TOP3B: variants seen among roughly 807,000 people sequenced by gnomAD.
TOP3B encodes DNA topoisomerase III beta.
In TOP3B, 45 loss-of-function variants were observed where a neutral mutation model predicts 93.9. The observed-to-expected ratio is 0.48, with a 90% CI of 0.38 to 0.61. The LOEUF (loss-of-function observed/expected upper bound fraction) is 0.61, where lower values mean the gene tolerates loss of function less well. TOP3B is among the 20% of genes least tolerant of loss of function. The pLI is 0.00. For missense variants in TOP3B, 750 were observed against 1,156.1 expected (o/e 0.65, Z 5.09); for synonymous variants, 357 against 472.6 (o/e 0.76, Z 3.17).
intron 6 of TOP3B, 36 bp from the exon 7 acceptor site, chr22:21,968,811 C>T: frequency 1.2e-6 from 2 of 1,611,366 alleles, no homozygotes; most frequent in Non-Finnish European, 8.5e-7. Flanking sequence ...GTCACTGATT[C>T]ACTCAAGACA....
At chr22:21,961,919 T>G in intron 13 of TOP3B, 1 of 257,120 alleles carries the variant, frequency 3.9e-6, no homozygotes, top group Non-Finnish European at 7.4e-6. Context: ...TGACTACACT[T>G]TTGCTTTGAT....
rs1288736609 is a variant in TOP3B at position 21,975,818 on chromosome 22, GA to G, written c.-98-12del. 1 of 1,369,578 alleles carries G rather than the reference GA, an allele frequency of 7.3e-7. No individual in the cohort carries two copies. Among genetic ancestry groups the G allele is most frequent in the Non-Finnish European group, 9.5e-7 (1 of 1,050,684 alleles). The allele number at this position is 1,369,578 out of a possible 1,614,324, so 84.8% of individuals were successfully genotyped here. A position where few individuals can be genotyped will look rare whatever the true frequency, so the allele number is the denominator to read the frequency against. ...TACCAATGCTGACTCCTAAAGAGAAGAAAAGACACTCAGGATAGCAATGCTG... is the reference window on the plus strand; with the variant it reads ...TACCAATGCTGACTCCTAAAGAGAAGAAAGACACTCAGGATAGCAATGCTG... On this transcript the variant is annotated splice_polypyrimidine_tract_variant and intron_variant, in intron 1 of 17. Coordinates refer to ENST00000357179, the MANE Select transcript of TOP3B (RefSeq NM_001282112.2).
At chr22:21,959,381 C>A in intron 15 of TOP3B, 149 bp from the exon 16 acceptor site, 1 of 1,484,232 alleles carries the variant, frequency 6.7e-7, no homozygotes, top group Non-Finnish European at 8.9e-7. Context: ...CAGCCCTGTG[C>A]GTCAGAGGCA....
chr22:21,976,269 T>C (rs2071868277), intron 1 of TOP3B: 1 of 152,398 alleles, frequency 6.6e-6, no homozygotes, highest in Non-Finnish European at 1.5e-5. Context: ...CTTTACAAAA[T>C]GCAGATGCCC....
In TOP3B at chr22:21,974,710, A is replaced by T; in HGVS notation, c.71-222T>A. Reference sequence around the variant, plus strand: ...AACAACCTAGCACAGAGCACTCTCGATGCAGAGCCCCAGGCTGCCGGGAGC... The same window carrying T: ...AACAACCTAGCACAGAGCACTCTCGTTGCAGAGCCCCAGGCTGCCGGGAGC... On this transcript the variant is annotated intron_variant, in intron 2 of 17. Coordinates refer to ENST00000357179, the MANE Select transcript of TOP3B (RefSeq NM_001282112.2). 4.8e-6 allele frequency: 2 copies of T among 413,702 alleles called. 1 individual carries two copies. Among genetic ancestry groups the T allele is most frequent in the East Asian group, 8.3e-5 (2 of 23,996 alleles). The allele number at this position is 413,702 out of a possible 1,614,324, so 25.6% of individuals were successfully genotyped here. A position where few individuals can be genotyped will look rare whatever the true frequency, so the allele number is the denominator to read the frequency against.
Position 21,968,451 on chromosome 22 carries a change from A to G in TOP3B, c.738+168T>C. The G allele has an allele frequency of 4.1e-6, 3 of 736,640 alleles. No individual in the cohort carries two copies. The South Asian group carries it at 5.6e-5, about 14-fold the overall frequency. 45.6% of individuals were successfully genotyped at this position (736,640 alleles called of 1,614,324 possible). A position where few individuals can be genotyped will look rare whatever the true frequency, so the allele number is the denominator to read the frequency against. Reference sequence around the variant, plus strand: ...GGCCCAGTCTCTTCCCACTGCCCCCATGAAGGCTGGGGTCCCTCAGCCCTA... The same window carrying G: ...GGCCCAGTCTCTTCCCACTGCCCCCGTGAAGGCTGGGGTCCCTCAGCCCTA... On this transcript the variant is annotated intron_variant, in intron 7 of 17. Transcript: ENST00000357179.
rs1488517021 is a variant in TOP3B, at chr22:21,974,434, G to C, written c.125C>G (p.Thr42Ser). 5 of 1,614,146 alleles carry C rather than the reference G, an allele frequency of 3.1e-6. 1 individual carries two copies. The highest frequency in any genetic ancestry group is 4.2e-6 in the Non-Finnish European group (5 of 1,179,998). Reference protein sequence around the residue: ...LNGACSVHEYTGTFAGQPVRF... With the variant: ...LNGACSVHEYSGTFAGQPVRF... ...CACTGGCTGGCCAGCAAAGGTCCCA[G>C]TGTACTCGTGGACTGAGCAGGCCCC... Residue 42 changes from threonine to serine, a missense_variant, in exon 3 of 18, where the codon ACT becomes AGT. This residue lies in a region of TOP3B where 737 missense variants were observed against 933.7 expected (regional missense o/e 0.79). Coordinates refer to ENST00000357179, the MANE Select transcript of TOP3B (RefSeq NM_001282112.2).
chr22:21,972,241 A>G (rs1364094780), intron 4 of TOP3B: 2 of 471,042 alleles, frequency 4.2e-6, no homozygotes, highest in Non-Finnish European at 7.5e-6. Flanking sequence ...ACCCTAAATG[A>G]TAACAGCAGT....
At position 21,970,546 on chromosome 22, in the gene TOP3B, A is replaced by G; in HGVS notation, c.385-140T>C. On this transcript the variant is annotated intron_variant, in intron 5 of 17. Coordinates refer to ENST00000357179, the MANE Select transcript of TOP3B (RefSeq NM_001282112.2). The surrounding 1 kb of genome is among the most constrained non-coding windows in gnomAD (Gnocchi z 4.4). ...TCCTGCCCCTGCCAGACCCTCCTCTATCCCCTTTCCTGCACCTGCCAGACC... is the reference window on the plus strand; with the variant it reads ...TCCTGCCCCTGCCAGACCCTCCTCTGTCCCCTTTCCTGCACCTGCCAGACC... 2 of 874,392 alleles carry G rather than the reference A, an allele frequency of 2.3e-6. No individual in the cohort carries two copies. Among genetic ancestry groups the G allele is most frequent in the Non-Finnish European group, 3.5e-6 (2 of 578,474 alleles). 54.2% of individuals were successfully genotyped at this position (874,392 alleles called of 1,614,324 possible). A position where few individuals can be genotyped will look rare whatever the true frequency, so the allele number is the denominator to read the frequency against.
rs1484310624 is a variant in TOP3B, at chr22:21,982,765, T to C, written c.-134A>G. The C allele has an allele frequency of 6.6e-6, 1 of 152,140 alleles. No homozygotes were observed. Among genetic ancestry groups the C allele is most frequent in the Non-Finnish European group, 1.5e-5 (1 of 67,990 alleles). 9.4% of individuals were successfully genotyped at this position (152,140 alleles called of 1,614,324 possible). A position where few individuals can be genotyped will look rare whatever the true frequency, so the allele number is the denominator to read the frequency against. ...ACCGCGGATCCAGCTCCGGTCCTTG[T>C]TCCCGGGGCGGCTACCGACAACCCC... is the stretch of plus-strand genomic sequence containing the variant. On this transcript the variant is annotated 5_prime_UTR_variant, in exon 1 of 18. Coordinates refer to ENST00000357179, the MANE Select transcript of TOP3B (RefSeq NM_001282112.2).
At chr22:21,979,273 A>G (rs1277622041) in intron 1 of TOP3B, among the ~76,000 whole-genome samples, 1 of 152,068 alleles carries the variant, frequency 6.6e-6, no homozygotes, top group Non-Finnish European at 1.5e-5. Flanking sequence ...TGTGGGGTCC[A>G]GGAAGTGAGG....
chr22:21,973,808 C>T (rs1426466800), intron 3 of TOP3B: 1 of 152,566 alleles, frequency 6.6e-6, no homozygotes, highest in African/African-American at 2.4e-5. Context: ...ACCCATTTCA[C>T]TATGAGAAGT....
Position 21,963,876 on chromosome 22 carries a change from G to A in TOP3B, c.1204+47C>T, listed in dbSNP as rs1158276259. On this transcript the variant is annotated intron_variant, in intron 11 of 17. Coordinates refer to ENST00000357179, the MANE Select transcript of TOP3B (RefSeq NM_001282112.2). This position sits in a 1 kb window ranked among gnomAD's most constrained non-coding sequence, Gnocchi z 4.8. ...CCTGCAACCTTCACTGTCGCAGCTC[G>A]CCCTTCCCTCCCTGGAAGCACACCG... The A allele has an allele frequency of 1.2e-5, 19 of 1,591,978 alleles. No homozygotes were observed. Among genetic ancestry groups the A allele is most frequent in the Admixed American group, 6.7e-5 (4 of 59,702 alleles).
rs2071593843 is a variant in TOP3B at position 21,970,480 on chromosome 22, C to T, written c.385-74G>A. 2.6e-6 allele frequency: 4 copies of T among 1,515,478 alleles called. No homozygotes were observed. In the East Asian group the frequency reaches 7.1e-5, roughly 27 times the overall value. 93.9% of individuals were successfully genotyped at this position (1,515,478 alleles called of 1,614,324 possible). The stretch of plus-strand genomic sequence containing the variant: ...ACAGCTCCCCACCCCACTGTGAAGC[C>T]TGGTTCCTTCCAGGAAAGAACACGT... On this transcript the variant is annotated intron_variant, in intron 5 of 17. Transcript: ENST00000357179. This position sits in a 1 kb window ranked among gnomAD's most constrained non-coding sequence, Gnocchi z 4.4.
intron 6 of TOP3B, 135 bp from the exon 7 acceptor site, chr22:21,968,910 A>T (rs2071521914): frequency 8.8e-6 from 8 of 904,426 alleles, no homozygotes; most frequent in African/African-American, 1.7e-5. Context: ...CTTAGAAGCC[A>T]GTGGGAGCAG....
Position 21,958,707 on chromosome 22 carries a change from AG to A in TOP3B, c.1906-15del, listed in dbSNP as rs746794128. 1.9e-6 allele frequency: 3 copies of A among 1,586,660 alleles called. No homozygotes were observed. The South Asian group carries it at 3.3e-5, about 18-fold the overall frequency. ...GCTTGGCTTGGCCTGCGGCAATGCC[AG>A]GCAGGTGGCGTGAGGGTCACTGGGG... On this transcript the variant is annotated splice_polypyrimidine_tract_variant and intron_variant, in intron 16 of 17. Coordinates refer to ENST00000357179, the MANE Select transcript of TOP3B (RefSeq NM_001282112.2).
In TOP3B at chr22:21,964,154, C is replaced by CA; in HGVS notation, c.1098+6dup. The CA allele has an allele frequency of 1.9e-6, 3 of 1,613,954 alleles. No homozygotes were observed. The highest frequency in any genetic ancestry group is 2.5e-6 in the Non-Finnish European group (3 of 1,179,996). On this transcript the variant is annotated splice_region_variant and intron_variant, in intron 10 of 17. Coordinates refer to ENST00000357179, the MANE Select transcript of TOP3B (RefSeq NM_001282112.2). ...ACACATGCTGAGGCCGGCCCGGCTC[C>CA]ACTCACCGTGTCGGCCCAGTAGGGG...
In TOP3B at chr22:21,970,058, C is replaced by G. The variant is rs774721783; in HGVS notation, c.581+152G>C. The G allele has an allele frequency of 8.9e-6, 7 of 786,510 alleles. No homozygotes were observed. Among genetic ancestry groups the G allele is most frequent in the Non-Finnish European group, 1.4e-5 (7 of 502,074 alleles). 48.7% of individuals were successfully genotyped at this position (786,510 alleles called of 1,614,324 possible). On this transcript the variant is annotated intron_variant, in intron 6 of 17. Coordinates refer to ENST00000357179, the MANE Select transcript of TOP3B (RefSeq NM_001282112.2). This position sits in a 1 kb window ranked among gnomAD's most constrained non-coding sequence, Gnocchi z 4.4. ...GTGCAGGGATTACAGGTGTTAGCCA[C>G]TGTGCCTGGCCTTCTTCAGGGTTGG... is the stretch of plus-strand genomic sequence containing the variant.
At chr22:21,962,697 T>C (rs773180740) in intron 12 of TOP3B, 50 bp downstream of exon 12, 2 of 1,610,908 alleles carry the variant, frequency 1.2e-6, no homozygotes, top group Non-Finnish European at 1.7e-6. Context: ...TGTAGAATGT[T>C]TGTCTGCCCA....
Sources: allele counts gnomAD v4.1 joint callset (sites outside exome capture counted in the v4.1 genomes callset), GRCh38; gene constraint gnomAD v4.1.1; regional missense constraint gnomAD v4.1.1; non-coding constraint Gnocchi (gnomAD v3.1); transcripts MANE v1.5; gene names NCBI Gene and HGNC (gene_info 2026-07-23, HGNC 2026-07-21).